FIP1L1: variants seen among roughly 807,000 people sequenced by gnomAD.
The protein encoded by FIP1L1 is factor interacting with PAPOLA and CPSF1, also known as pre-mRNA 3'-end-processing factor FIP1.
FIP1L1 carries 21 observed loss-of-function variants against 84.6 expected under a neutral mutation model. The ratio of observed to expected loss-of-function variants is 0.25; its 90% CI spans 0.18 to 0.36. The LOEUF (loss-of-function observed/expected upper bound fraction) is 0.36, where lower values mean the gene tolerates loss of function less well. Among genes scored for constraint, FIP1L1 ranks in the 10% least tolerant of loss-of-function variants. The pLI, the probability that FIP1L1 is intolerant of heterozygous loss-of-function variation, is 1.00. For synonymous variants in FIP1L1, 263 were observed against 242.3 expected, an observed-to-expected ratio of 1.09 and a Z score of -0.80; for missense variants, 526 against 751.1, an observed-to-expected ratio of 0.70 and a Z score of 3.50.
intron 10 of FIP1L1, among the ~76,000 whole-genome samples, chr4:53,406,220 AG>A (rs200216690): frequency 0.12 from 18,280 of 152,132 alleles, 2,121 homozygotes; most frequent in African/African-American, 0.28. Flanking sequence ...TTTAGCATGA[AG>A]GGTTGTTGAA....
chr4:53,397,805 G>C (rs1028681228), intron 9 of FIP1L1, among the ~76,000 whole-genome samples: 1 of 152,032 alleles, frequency 6.6e-6, no homozygotes, highest in Non-Finnish European at 1.5e-5. Context: ...TTTTTTCCTT[G>C]AGCAGCTCAG....
chr4:53,410,234 T>A (rs1185319117), intron 10 of FIP1L1, among the ~76,000 whole-genome samples: 1 of 152,208 alleles, frequency 6.6e-6, no homozygotes, highest in African/African-American at 2.4e-5. Flanking sequence ...ATGAGGATGA[T>A]TTTTTTGATT....
chr4:53,445,739 T>C (rs1773913572), intron 15 of FIP1L1, among the ~76,000 whole-genome samples: 1 of 152,188 alleles, frequency 6.6e-6, no homozygotes, highest in African/African-American at 2.4e-5. Flanking sequence ...TTTTGTCCTT[T>C]CTGGTAGAGA....
chr4:53,378,998 T>G (rs1736306228), intron 1 of FIP1L1, 75 bp from the exon 2 acceptor site: 3 of 1,446,932 alleles, frequency 2.1e-6, no homozygotes, highest in Non-Finnish European at 1.9e-6. Flanking sequence ...AGCAGTAAAG[T>G]CTGATTTTTT....
chr4:53,428,660 T>C (rs1765298956), intron 13 of FIP1L1, among the ~76,000 whole-genome samples: 1 of 152,264 alleles, frequency 6.6e-6, no homozygotes, highest in African/African-American at 2.4e-5. Context: ...TTATTTCTTT[T>C]AAACAAAAGT....
At chr4:53,435,657 T>C (rs1229977881) in intron 13 of FIP1L1, among the ~76,000 whole-genome samples, 1 of 152,218 alleles carries the variant, frequency 6.6e-6, no homozygotes, top group African/African-American at 2.4e-5. Flanking sequence ...AATTTTTGGT[T>C]ACTTTGTTGT....
rs1452519068 is a variant in FIP1L1 at position 53,460,196 on chromosome 4, G to T, written c.*747G>T. On this transcript the variant is annotated 3_prime_UTR_variant, in exon 18 of 18. Transcript: ENST00000337488. The stretch of plus-strand genomic sequence containing the variant: ...TTGGCCTTCTTGATGCATTTTCCAA[G>T]GCCCACTGGTGGAGCAGCATGAGTT... 5.1e-6 allele frequency: 1 copy of T among 196,320 alleles called. No individual in the cohort carries two copies. The highest frequency in any genetic ancestry group is 2.3e-5 in the African/African-American group (1 of 43,268). The allele number at this position is 196,320 out of a possible 1,614,324, so 12.2% of individuals were successfully genotyped here. A position where few individuals can be genotyped will look rare whatever the true frequency, so the allele number is the denominator to read the frequency against.
chr4:53,446,425 A>G (rs550737425), intron 15 of FIP1L1, among the ~76,000 whole-genome samples: 1 of 152,244 alleles, frequency 6.6e-6, no homozygotes, highest in African/African-American at 2.4e-5. Context: ...CTAATCTCCA[A>G]CAAGCTCCAA....
At chr4:53,424,601 A>G (rs1255616252) in intron 11 of FIP1L1, among the ~76,000 whole-genome samples, 6 of 152,136 alleles carry the variant, frequency 3.9e-5, no homozygotes, top group Non-Finnish European at 5.9e-5. Flanking sequence ...GGAACTGACT[A>G]TGTACTTGAA....
chr4:53,408,615 G>A (rs200772060), intron 10 of FIP1L1, among the ~76,000 whole-genome samples: 11 of 152,220 alleles, frequency 7.2e-5, no homozygotes, highest in South Asian at 6.2e-4. Flanking sequence ...CATTCTCCCC[G>A]TCACTTTCAG....
At chr4:53,433,643 G>A (rs1301016581) in intron 13 of FIP1L1, among the ~76,000 whole-genome samples, 1 of 152,098 alleles carries the variant, frequency 6.6e-6, no homozygotes, top group Non-Finnish European at 1.5e-5. Context: ...CAATTGAAAT[G>A]TAGCCCAGTA....
intron 13 of FIP1L1, among the ~76,000 whole-genome samples, chr4:53,429,049 G>A (rs1439218011): frequency 6.6e-6 from 1 of 152,128 alleles, no homozygotes; most frequent in Non-Finnish European, 1.5e-5. Context: ...TTGTTTTAAG[G>A]TGCCAGTTGT....
chr4:53,404,676 G>T (rs1052484757), intron 10 of FIP1L1, among the ~76,000 whole-genome samples: 1 of 151,950 alleles, frequency 6.6e-6, no homozygotes, highest in African/African-American at 2.4e-5. Flanking sequence ...AGCACGTGTT[G>T]TTTCCTGACT....
Position 53,440,174 on chromosome 4 carries a change from T to C in FIP1L1, c.1175-2479T>C, listed in dbSNP as rs554214483. ...CAGTAATATCCATCATCTTGAGTTA[T>C]CCTTGTACTACCTGCAGTATTAGAG... On this transcript the variant is annotated intron_variant, in intron 13 of 17. Coordinates refer to ENST00000337488, the MANE Select transcript of FIP1L1 (RefSeq NM_030917.4). 1.2e-4 allele frequency among the ~76,000 whole-genome samples: 19 copies of C among 152,196 alleles called. No homozygotes were observed. The East Asian group carries it at 3.3e-3, about 26-fold the overall frequency.
chr4:53,425,809 C>G, intron 11 of FIP1L1, 63 bp from the exon 12 acceptor site: 2 of 1,184,758 alleles, frequency 1.7e-6, no homozygotes, highest in Non-Finnish European at 1.2e-6. Flanking sequence ...TTTCTCACTG[C>G]TTTTATTATT....
In FIP1L1 at chr4:53,378,862, T is replaced by TG. The variant is rs1560476916; in HGVS notation, c.86-211_86-210insG. Reference sequence around the variant, plus strand: ...TGATGATGTGACTTTGATAAACTTGTAAAAAAAAATCGTTTGGTGGCAAGA... The same window carrying TG: ...TGATGATGTGACTTTGATAAACTTGTGAAAAAAAAATCGTTTGGTGGCAAGA... On this transcript the variant is annotated intron_variant, in intron 1 of 17. Transcript: ENST00000337488. The TG allele has an allele frequency of 5.4e-6, 3 of 559,490 alleles. No individual in the cohort carries two copies. The African/African-American group carries it at 5.8e-5, about 11-fold the overall frequency. 34.7% of individuals were successfully genotyped at this position (559,490 alleles called of 1,614,324 possible).
intron 9 of FIP1L1, among the ~76,000 whole-genome samples, chr4:53,394,740 G>T (rs1173888888): frequency 1.4e-5 from 2 of 145,978 alleles, no homozygotes; most frequent in Admixed American, 6.6e-5. Flanking sequence ...TTTATTTATG[G>T]TTGTCTGTTT....
At chr4:53,438,163 T>A (rs1273333879) in intron 13 of FIP1L1, among the ~76,000 whole-genome samples, 6 of 152,190 alleles carry the variant, frequency 3.9e-5, no homozygotes, top group South Asian at 2.1e-4. Flanking sequence ...AACATTTTTT[T>A]AAACTCATTT....
At position 53,389,845 on chromosome 4, in the gene FIP1L1, G is replaced by T; in HGVS notation, c.369G>T (p.Lys123Asn). 1 of 1,601,912 alleles carries T rather than the reference G, an allele frequency of 6.2e-7. No individual in the cohort carries two copies. The highest frequency in any genetic ancestry group is 8.5e-7 in the Non-Finnish European group (1 of 1,176,152). The change falls in exon 6 of 18, where the codon AAG becomes AAT. Residue 123 changes from lysine to asparagine, a missense_variant. Physicochemically the swap from Lys to Asn is moderately conservative, Grantham distance 94. Coordinates refer to ENST00000337488, the MANE Select transcript of FIP1L1 (RefSeq NM_030917.4). ...YGTAPVNLNI[K>N]TGGRVYGTTG... Reference sequence around the variant, plus strand: ...CAGCACCTGTAAATCTTAACATCAAGACAGGGGGAAGAGTTTATGGAACTA... The same window carrying T: ...CAGCACCTGTAAATCTTAACATCAATACAGGGGGAAGAGTTTATGGAACTA...
Sources: gnomAD v4.1 joint callset for allele counts (sites outside exome capture counted in the v4.1 genomes callset) on GRCh38, gnomAD v4.1.1 for gene constraint, MANE v1.5 for transcripts, NCBI Gene and HGNC (gene_info 2026-07-23, HGNC 2026-07-21) for gene names.